The following ANGPTL2 variants were observed in gnomAD, a reference collection of about 807,000 sequenced individuals.
The protein encoded by ANGPTL2 is angiopoietin like 2, also known as angiopoietin-related protein 2.
A neutral mutation model predicts 52.8 loss-of-function variants in ANGPTL2; 25 were observed. The ratio of observed to expected loss-of-function variants is 0.47; its 90% CI spans 0.35 to 0.66. The LOEUF is 0.66. Among genes scored for constraint, ANGPTL2 ranks in the 30% least tolerant of loss-of-function variants. ANGPTL2 has a pLI of 0.01. For missense variants in ANGPTL2, 546 were observed against 656.9 expected, an observed-to-expected ratio of 0.83 and a Z score of 1.84; for synonymous variants, 276 against 277.4, an observed-to-expected ratio of 1.00 and a Z score of 0.05.
chr9:127,094,278 G>A (rs2052850824), intron 2 of ANGPTL2, among the ~76,000 whole-genome samples: 2 of 152,108 alleles, frequency 1.3e-5, no homozygotes, highest in Admixed American at 6.5e-5. Context: ...GATCATTTGG[G>A]GGAAGTTGCT....
intron 1 of ANGPTL2, among the ~76,000 whole-genome samples, chr9:127,121,705 C>T (rs1185336229): frequency 2.0e-5 from 3 of 152,238 alleles, no homozygotes; most frequent in Non-Finnish European, 4.4e-5. Flanking sequence ...CAGTTGGAGA[C>T]CCGGGGTACC....
At chr9:127,092,495 G>C (rs1490393450) in intron 3 of ANGPTL2, among the ~76,000 whole-genome samples, 1 of 152,036 alleles carries the variant, frequency 6.6e-6, no homozygotes, top group Non-Finnish European at 1.5e-5. Flanking sequence ...GCTGAGTTAC[G>C]GCCACTAAAG....
At chr9:127,121,463 T>C (rs1476062267) in intron 1 of ANGPTL2, among the ~76,000 whole-genome samples, 1 of 152,246 alleles carries the variant, frequency 6.6e-6, no homozygotes, top group African/African-American at 2.4e-5. Flanking sequence ...GAGATGCTTT[T>C]CCAAGTAACT....
chr9:127,110,102 T>C (rs1173643352), intron 1 of ANGPTL2, among the ~76,000 whole-genome samples: 1 of 152,208 alleles, frequency 6.6e-6, no homozygotes, highest in Non-Finnish European at 1.5e-5. Context: ...CTCCCCTTTT[T>C]AGCAAAGCCT....
intron 2 of ANGPTL2, among the ~76,000 whole-genome samples, chr9:127,105,221 A>C (rs1490106919): frequency 1.3e-5 from 2 of 152,190 alleles, no homozygotes; most frequent in Non-Finnish European, 2.9e-5. Flanking sequence ...TTGCGTAACA[A>C]AGAAGGATAA....
rs2052482780 is a variant in ANGPTL2, at chr9:127,091,603, AG to A, written c.1282+66del. 6.4e-7 allele frequency: 1 copy of A among 1,558,198 alleles called. No homozygotes were observed. Among genetic ancestry groups the A allele is most frequent in the Admixed American group, 1.8e-5 (1 of 56,096 alleles). ...CTTCCCGTTTCCAAGCCCTGGAGTC[AG>A]GGGCTCTGGCTCTGGTTGACCTCTT... On this transcript the variant is annotated intron_variant, in intron 4 of 4. Coordinates refer to ENST00000373425, the MANE Select transcript of ANGPTL2 (RefSeq NM_012098.3). The surrounding 1 kb of genome is among the most constrained non-coding windows in gnomAD (Gnocchi z 4.3).
chr9:127,114,781 C>T (rs1232386399), intron 1 of ANGPTL2, among the ~76,000 whole-genome samples: 1 of 152,258 alleles, frequency 6.6e-6, no homozygotes, highest in Non-Finnish European at 1.5e-5. Flanking sequence ...GAACTGCCAG[C>T]TGGCCCCTGA....
intron 2 of ANGPTL2, among the ~76,000 whole-genome samples, chr9:127,103,427 C>G (rs1438766428): frequency 2.0e-5 from 3 of 152,192 alleles, no homozygotes; most frequent in Non-Finnish European, 4.4e-5. Context: ...TTTATACAGT[C>G]AGGGCTAACA....
chr9:127,105,845 T>C (rs964875500), intron 2 of ANGPTL2, among the ~76,000 whole-genome samples: 1 of 152,218 alleles, frequency 6.6e-6, no homozygotes, highest in Non-Finnish European at 1.5e-5. Context: ...TGTCACCTAC[T>C]TCCCCAAGTC....
intron 1 of ANGPTL2, among the ~76,000 whole-genome samples, chr9:127,115,651 T>A (rs141336918): frequency 9.8e-4 from 149 of 152,368 alleles, no homozygotes; most frequent in African/African-American, 3.4e-3. Flanking sequence ...TCAACCAGTA[T>A]GAATAAAAGG....
At position 127,108,162 on chromosome 9, in the gene ANGPTL2, G is replaced by T. The variant is rs753189996; in HGVS notation, c.570C>A (p.Ala190=). The T allele has an allele frequency of 6.2e-7, 1 of 1,614,082 alleles. No homozygotes were observed. The highest frequency in any genetic ancestry group is 2.2e-5 in the East Asian group (1 of 44,860). ...EHKYQHLATL[A]HNQSEIIAQL... is the part of the protein sequence containing the mutation. The stretch of plus-strand genomic sequence containing the variant: ...GCGCGATGATCTCTGATTGGTTGTG[G>T]GCCAGTGTGGCCAGGTGCTGGTACT... Residue 190 remains alanine (A), a synonymous_variant, in exon 2 of 5, where the codon GCC becomes GCA. Coordinates refer to ENST00000373425, the MANE Select transcript of ANGPTL2 (RefSeq NM_012098.3).
Position 127,099,024 on chromosome 9 carries a change from C to T in ANGPTL2, c.818-5098G>A, listed in dbSNP as rs1465233076. 3.9e-5 allele frequency among the ~76,000 whole-genome samples: 6 copies of T among 152,176 alleles called. No homozygotes were observed. In the East Asian group the frequency reaches 9.6e-4, roughly 24 times the overall value. ...GCTGGGAGCTAAGCAGTGAGGCCTC[C>T]GTGGGCAAGAGGGATGCCTCTTCTC... On this transcript the variant is annotated intron_variant, in intron 2 of 4. Transcript: ENST00000373425.
At chr9:127,093,527 C>T (rs1047844706) in intron 3 of ANGPTL2, among the ~76,000 whole-genome samples, 18 of 152,330 alleles carry the variant, frequency 1.2e-4, no homozygotes, top group African/African-American at 4.1e-4. Context: ...GCAGAGGAGG[C>T]GCTGGTCCTC....
intron 3 of ANGPTL2, among the ~76,000 whole-genome samples, chr9:127,093,366 G>A (rs542203318): frequency 4.6e-5 from 7 of 152,282 alleles, no homozygotes; most frequent in East Asian, 1.9e-4. Flanking sequence ...GGCTTTGAGA[G>A]CGGGTCTTTC....
intron 3 of ANGPTL2, 122 bp from the exon 4 acceptor site, chr9:127,092,062 C>T: frequency 7.4e-6 from 9 of 1,212,232 alleles, no homozygotes; most frequent in Admixed American, 2.2e-5. Context: ...ATGAAGCAGA[C>T]CTGGTTCAGA....
At chr9:127,095,295 G>A (rs2052993353) in intron 2 of ANGPTL2, among the ~76,000 whole-genome samples, 1 of 152,188 alleles carries the variant, frequency 6.6e-6, no homozygotes, top group Admixed American at 6.5e-5. Context: ...CTACCCGGGA[G>A]GGTGAGGCAG....
intron 1 of ANGPTL2, among the ~76,000 whole-genome samples, chr9:127,119,046 T>C (rs991180480): frequency 7.2e-5 from 11 of 152,152 alleles, no homozygotes; most frequent in Admixed American, 1.3e-4. Flanking sequence ...AGTGTTTCCC[T>C]GAGGCTCTGC....
At chr9:127,105,926 CTTG>C (rs1414772279) in intron 2 of ANGPTL2, among the ~76,000 whole-genome samples, 1 of 152,196 alleles carries the variant, frequency 6.6e-6, no homozygotes, top group African/African-American at 2.4e-5. Context: ...ATGTTTCATG[CTTG>C]ATTGTATTGT....
At position 127,087,436 on chromosome 9, in the gene ANGPTL2, C is replaced by T. The variant is rs1207465831; in HGVS notation, c.*1503G>A. The T allele has an allele frequency of 6.6e-6, 1 of 152,600 alleles. No individual in the cohort carries two copies. The highest frequency in any genetic ancestry group is 1.5e-5 in the Non-Finnish European group (1 of 68,040). 9.5% of individuals were successfully genotyped at this position (152,600 alleles called of 1,614,324 possible). On this transcript the variant is annotated 3_prime_UTR_variant, in exon 5 of 5. Coordinates refer to ENST00000373425, the MANE Select transcript of ANGPTL2 (RefSeq NM_012098.3). Reference sequence around the variant, plus strand: ...AAAAAAACCCTCCCTTTTATATACACAAAACATGCTACATGGTACACTTTG... The same window carrying T: ...AAAAAAACCCTCCCTTTTATATACATAAAACATGCTACATGGTACACTTTG...
Sources: allele counts gnomAD v4.1 joint callset (sites outside exome capture counted in the v4.1 genomes callset), GRCh38; gene constraint gnomAD v4.1.1; non-coding constraint Gnocchi (gnomAD v3.1); transcripts MANE v1.5; gene names NCBI Gene and HGNC (gene_info 2026-07-23, HGNC 2026-07-21).